The following HECW2 variants were observed in gnomAD, a reference collection of about 807,000 sequenced individuals.
HECW2 encodes E3 ubiquitin-protein ligase HECW2.
A neutral mutation model predicts 175.2 loss-of-function variants in HECW2; 61 were observed. The observed-to-expected ratio is 0.35, with a 90% confidence interval of 0.28 to 0.43. The LOEUF (loss-of-function observed/expected upper bound fraction) is 0.43, where lower values mean the gene tolerates loss of function less well. Among genes scored for constraint, HECW2 ranks in the 20% least tolerant of loss-of-function variants. The pLI is 1.00. For synonymous variants in HECW2, 671 were observed against 731.0 expected, an observed-to-expected ratio of 0.92 and a Z score of 1.32; for missense variants, 1,524 against 2,000.5, an observed-to-expected ratio of 0.76 and a Z score of 4.54.
chr2:196,398,118 G>T (rs372320677), intron 2 of HECW2, among the ~76,000 whole-genome samples: 1 of 88,914 alleles, frequency 1.1e-5, no homozygotes, highest in Non-Finnish European at 2.2e-5. Context: ...GGATGGGTTT[G>T]TGGGTGGGTG....
intron 17 of HECW2, among the ~76,000 whole-genome samples, chr2:196,266,881 G>A (rs903775325): frequency 3.9e-5 from 6 of 152,078 alleles, no homozygotes; most frequent in African/African-American, 1.4e-4. Flanking sequence ...ATAATGAAAG[G>A]AAATAGAAGG....
chr2:196,286,265 T>G (rs1181302186), intron 14 of HECW2, among the ~76,000 whole-genome samples: 2 of 152,154 alleles, frequency 1.3e-5, no homozygotes, highest in African/African-American at 4.8e-5. Flanking sequence ...ATTTCCCAAC[T>G]TACAGCTGTG....
chr2:196,268,801 G>A (rs1689617152), intron 17 of HECW2, among the ~76,000 whole-genome samples: 1 of 152,182 alleles, frequency 6.6e-6, no homozygotes, highest in Non-Finnish European at 1.5e-5. Flanking sequence ...TTTATTTTGT[G>A]ATTAGCAAAA....
rs556640174 is a variant in HECW2, at chr2:196,273,492, A to G, written c.3238+529T>C. Among the ~76,000 whole-genome samples, 17 of 152,220 alleles carry G rather than the reference A, an allele frequency of 1.1e-4. No individual in the cohort carries two copies. The South Asian group carries it at 3.1e-3, about 28-fold the overall frequency. On this transcript the variant is annotated intron_variant, in intron 16 of 28. Coordinates refer to ENST00000644978, the MANE Select transcript of HECW2 (RefSeq NM_001348768.2). ...CTACTTCAACCTCATCCTTTTAATA[A>G]CAACTCAAGTTGTTTTTCAGGCCTT...
intron 13 of HECW2, among the ~76,000 whole-genome samples, chr2:196,294,561 C>T (rs753031242): frequency 6.6e-6 from 1 of 152,096 alleles, no homozygotes; most frequent in Non-Finnish European, 1.5e-5. Context: ...AAGGCAAACC[C>T]CAAGGACTCT....
chr2:196,454,347 G>A (rs1034182235), intron 1 of HECW2, among the ~76,000 whole-genome samples: 1 of 152,048 alleles, frequency 6.6e-6, no homozygotes, highest in Non-Finnish European at 1.5e-5. Context: ...ATGTAAAGTG[G>A]GCATTCATAT....
intron 1 of HECW2, among the ~76,000 whole-genome samples, chr2:196,515,343 A>G (rs1052181683): frequency 6.6e-6 from 1 of 152,252 alleles, no homozygotes. Context: ...TGCTGGGCCA[A>G]GTGGGCAGAA....
Position 196,222,337 on chromosome 2 carries a change from TAGACTA to T in HECW2, c.4017-3_4019del. ...GGTATTCTAGGTCACTCAGGTCACA[TAGACTA>T]AGATGACAAACAGACAGAAACAAAT... is the stretch of plus-strand genomic sequence containing the variant. On this transcript the variant is annotated splice_acceptor_variant and splice_polypyrimidine_tract_variant and coding_sequence_variant and intron_variant, in exon 24 of 29. Coordinates refer to ENST00000644978, the MANE Select transcript of HECW2 (RefSeq NM_001348768.2). LOFTEE classifies it high-confidence loss of function. 6.2e-7 allele frequency: 1 copy of T among 1,613,136 alleles called. No homozygotes were observed. Among genetic ancestry groups the T allele is most frequent in the Non-Finnish European group, 8.5e-7 (1 of 1,179,638 alleles).
intron 2 of HECW2, among the ~76,000 whole-genome samples, chr2:196,420,334 A>G (rs1026077040): frequency 6.6e-6 from 1 of 152,234 alleles, no homozygotes; most frequent in South Asian, 2.1e-4. Flanking sequence ...AGATTGTGGG[A>G]AACAATTGAC....
At chr2:196,519,318 C>T (rs1045431010) in intron 1 of HECW2, among the ~76,000 whole-genome samples, 1 of 152,172 alleles carries the variant, frequency 6.6e-6, no homozygotes, top group African/African-American at 2.4e-5. Flanking sequence ...AGCAGACATG[C>T]AAAGCCACTG....
At chr2:196,581,469 C>A (rs1336944921) in intron 1 of HECW2, among the ~76,000 whole-genome samples, 4 of 151,866 alleles carry the variant, frequency 2.6e-5, no homozygotes, top group African/African-American at 9.7e-5. Flanking sequence ...GGGAGGCAGA[C>A]ATTGCAGTGA....
intron 27 of HECW2, 94 bp downstream of exon 27, chr2:196,216,914 G>T: frequency 1.2e-6 from 1 of 809,778 alleles, no homozygotes; most frequent in South Asian, 1.9e-5. Context: ...CACATGGTAT[G>T]TGTTTATGGA....
intron 1 of HECW2, among the ~76,000 whole-genome samples, chr2:196,548,130 G>A (rs1000815188): frequency 6.6e-6 from 1 of 151,978 alleles, no homozygotes; most frequent in Non-Finnish European, 1.5e-5. Flanking sequence ...AGGAGTTCAG[G>A]ACCAGCCTGG....
chr2:196,580,532 A>G (rs1377798525), intron 1 of HECW2, among the ~76,000 whole-genome samples: 1 of 152,126 alleles, frequency 6.6e-6, no homozygotes, highest in African/African-American at 2.4e-5. Context: ...TGAATAGACA[A>G]TTCCTCAAAG....
chr2:196,476,424 C>T (rs1261394532), intron 1 of HECW2, among the ~76,000 whole-genome samples: 1 of 137,268 alleles, frequency 7.3e-6, no homozygotes, highest in African/African-American at 2.7e-5. Flanking sequence ...GCCTGGATGA[C>T]AAAGCGAGAC....
intron 1 of HECW2, among the ~76,000 whole-genome samples, chr2:196,572,029 C>CA (rs1392897904): frequency 6.6e-6 from 1 of 152,144 alleles, no homozygotes; most frequent in African/African-American, 2.4e-5. Flanking sequence ...AAGCCAGTCA[C>CA]AAAATGACAA....
intron 21 of HECW2, among the ~76,000 whole-genome samples, chr2:196,229,251 CCTCT>C (rs985950392): frequency 4.0e-5 from 6 of 151,862 alleles, no homozygotes; most frequent in Admixed American, 2.6e-4. Flanking sequence ...CTCTTTTCTC[CCTCT>C]ATCTTATTTT....
chr2:196,294,780 C>G (rs1471255393), intron 13 of HECW2, among the ~76,000 whole-genome samples: 2 of 152,128 alleles, frequency 1.3e-5, no homozygotes, highest in African/African-American at 4.8e-5. Context: ...CCCTTTGACA[C>G]AGCAAGTGGC....
intron 1 of HECW2, among the ~76,000 whole-genome samples, chr2:196,445,452 A>C (rs1008904060): frequency 6.6e-6 from 1 of 152,166 alleles, no homozygotes; most frequent in African/African-American, 2.4e-5. Context: ...TCAGGGGTAC[A>C]TGTGCAGGCT....
Sources: allele counts gnomAD v4.1 joint callset (sites outside exome capture counted in the v4.1 genomes callset), GRCh38; gene constraint gnomAD v4.1.1; transcripts MANE v1.5; gene names NCBI Gene and HGNC (gene_info 2026-07-23, HGNC 2026-07-21).